The following CUL3 variants were observed in gnomAD, a reference collection of about 807,000 sequenced individuals.
CUL3 encodes the protein cullin 3, also known as cullin-3.
CUL3 carries 19 observed loss-of-function variants against 89.1 expected under a neutral mutation model. That is an observed-to-expected ratio of 0.21 (90% CI 0.15 to 0.31). The LOEUF is 0.31. Among genes scored for constraint, CUL3 ranks in the 10% least tolerant of loss-of-function variants. The pLI, the probability that CUL3 is intolerant of heterozygous loss-of-function variation, is 1.00. For missense variants in CUL3, 469 were observed against 942.3 expected, an observed-to-expected ratio of 0.50 and a Z score of 6.58; for synonymous variants, 351 against 308.4, an observed-to-expected ratio of 1.14 and a Z score of -1.45.
chr2:224,490,226 T>C (rs906771482), intron 13 of CUL3, among the ~76,000 whole-genome samples: 1 of 152,228 alleles, frequency 6.6e-6, no homozygotes, highest in African/African-American at 2.4e-5. Flanking sequence ...CCTGTACACC[T>C]GGCTCTGCCT....
rs766091219 is a variant in CUL3, at chr2:224,557,725, C to T, written c.198G>A (p.Leu66=). The change falls in exon 2 of 16, where the codon TTG becomes TTA. Residue 66 remains leucine, a synonymous_variant. Coordinates refer to ENST00000264414, the MANE Select transcript of CUL3 (RefSeq NM_003590.5). The part of the protein sequence containing the change: ...ELYRNAYTMV[L]HKHGEKLYTG... The stretch of plus-strand genomic sequence containing the variant: ...TGTAGAGCTTTTCTCCATGTTTATG[C>T]AAAACCATTGTATATGCATTTCTAT... The T allele has an allele frequency of 1.2e-6, 2 of 1,610,854 alleles. No individual in the cohort carries two copies. The highest frequency in any genetic ancestry group is 4.5e-5 in the East Asian group (2 of 44,638).
rs887208304 is a variant in CUL3, at chr2:224,481,888, A to G, written c.2029+4T>C. 6 of 1,465,580 alleles carry G rather than the reference A, an allele frequency of 4.1e-6. No homozygotes were observed. The highest frequency in any genetic ancestry group is 2.3e-4 in the Middle Eastern group (1 of 4,322). The allele number at this position is 1,465,580 out of a possible 1,614,324, so 90.8% of individuals were successfully genotyped here. On this transcript the variant is annotated splice_donor_region_variant and intron_variant, in intron 14 of 15. Coordinates refer to ENST00000264414, the MANE Select transcript of CUL3 (RefSeq NM_003590.5). ...TTTGAGAGGAAAAATATAATTCCAG[A>G]TACCTGTTTGAATCTTGACTCTGTG...
At position 224,470,666 on chromosome 2, in the gene CUL3, A is replaced by G. The variant is rs1188936065; in HGVS notation, c.*3579T>C. On this transcript the variant is annotated 3_prime_UTR_variant, in exon 16 of 16. Coordinates refer to ENST00000264414, the MANE Select transcript of CUL3 (RefSeq NM_003590.5). Reference sequence around the variant, plus strand: ...TAAGATTGTAGGAGACAAAGCGCCTATTTTCTTTTCAATGGACACATTCCA... The same window carrying G: ...TAAGATTGTAGGAGACAAAGCGCCTGTTTTCTTTTCAATGGACACATTCCA... 1.3e-5 allele frequency: 3 copies of G among 231,638 alleles called. No individual in the cohort carries two copies. Among genetic ancestry groups the G allele is most frequent in the African/African-American group, 6.6e-5 (3 of 45,258 alleles). The allele number at this position is 231,638 out of a possible 1,614,324, so 14.3% of individuals were successfully genotyped here.
At position 224,470,999 on chromosome 2, in the gene CUL3, AAT is replaced by A. The variant is rs1475684995; in HGVS notation, c.*3244_*3245del. Reference sequence around the variant, plus strand: ...AATGACAGTTATGTCACATAAAGCCAATATGACAACTAAATGAATGAATATAC... The same window carrying A: ...AATGACAGTTATGTCACATAAAGCCAATGACAACTAAATGAATGAATATAC... On this transcript the variant is annotated 3_prime_UTR_variant, in exon 16 of 16. Coordinates refer to ENST00000264414, the MANE Select transcript of CUL3 (RefSeq NM_003590.5). 4 of 228,358 alleles carry A rather than the reference AAT, an allele frequency of 1.8e-5. No individual in the cohort carries two copies. Among genetic ancestry groups the A allele is most frequent in the African/African-American group, 8.9e-5 (4 of 45,118 alleles). 14.1% of individuals were successfully genotyped at this position (228,358 alleles called of 1,614,324 possible). A position where few individuals can be genotyped will look rare whatever the true frequency, so the allele number is the denominator to read the frequency against.
At chr2:224,567,821 C>T (rs888875591) in intron 1 of CUL3, among the ~76,000 whole-genome samples, 10 of 152,044 alleles carry the variant, frequency 6.6e-5, no homozygotes, top group Non-Finnish European at 1.5e-4. Flanking sequence ...ATCTACTTCC[C>T]TCAAAATCAC....
intron 1 of CUL3, among the ~76,000 whole-genome samples, chr2:224,569,029 A>G (rs1695115324): frequency 1.3e-5 from 2 of 152,236 alleles, no homozygotes; most frequent in Admixed American, 1.3e-4. Context: ...TTAACAATAA[A>G]AACTTTAAGC....
chr2:224,502,935 A>C (rs1692448051), intron 10 of CUL3, 30 bp downstream of exon 10: 1 of 1,469,998 alleles, frequency 6.8e-7, no homozygotes. Context: ...TTACATGAAT[A>C]TCTAAGTAGA....
In CUL3 at chr2:224,507,089, G is replaced by A. The variant is rs556950649; in HGVS notation, c.884-86C>T. On this transcript the variant is annotated intron_variant, in intron 6 of 15. Transcript: ENST00000264414. The stretch of plus-strand genomic sequence containing the variant: ...TGTTCACGCTATAATACTGAGAGAA[G>A]CTTATTTCTCCATTACCCCCATTTG... 2.6e-5 allele frequency: 32 copies of A among 1,248,720 alleles called. No individual in the cohort carries two copies. The South Asian group carries it at 4.5e-4, about 17-fold the overall frequency. The allele number at this position is 1,248,720 out of a possible 1,614,324, so 77.4% of individuals were successfully genotyped here.
intron 2 of CUL3, among the ~76,000 whole-genome samples, chr2:224,542,971 G>T (rs1311753829): frequency 2.0e-5 from 3 of 152,068 alleles, no homozygotes; most frequent in Admixed American, 1.3e-4. Flanking sequence ...AGAGCTGAAG[G>T]ACATAATGTG....
rs1204113222 is a variant in CUL3, at chr2:224,584,352, T to A, written c.66+592A>T. 2.0e-5 allele frequency among the ~76,000 whole-genome samples: 3 copies of A among 152,010 alleles called. No homozygotes were observed. The East Asian group carries it at 5.8e-4, about 29-fold the overall frequency. The stretch of plus-strand genomic sequence containing the variant: ...GAGTTTGTAAAGTGCTTAGGAAGCT[T>A]GTAGGATGAAAGACGCTATAAATAC... On this transcript the variant is annotated intron_variant, in intron 1 of 15. Transcript: ENST00000264414.
chr2:224,561,579 T>A (rs1694903073), intron 1 of CUL3, among the ~76,000 whole-genome samples: 1 of 152,198 alleles, frequency 6.6e-6, no homozygotes, highest in African/African-American at 2.4e-5. Flanking sequence ...GAAGGAACTT[T>A]AACAGAACAA....
rs1253066912 is a variant in CUL3, at chr2:224,485,284, G to A, written c.1843-3206C>T. On this transcript the variant is annotated intron_variant, in intron 13 of 15. Transcript: ENST00000264414. The surrounding 1 kb of genome is among the most constrained non-coding windows in gnomAD (Gnocchi z 4.1). ...GCGAGAGAGAACCGTCCACTCCCCT[G>A]GAAAGGGGGCTGAAGCCAGGGAGCC... is the stretch of plus-strand genomic sequence containing the variant. The A allele has an allele frequency of 6.6e-6, 1 of 152,276 alleles. No homozygotes were observed. Among genetic ancestry groups the A allele is most frequent in the Non-Finnish European group, 1.5e-5 (1 of 68,162 alleles). 9.4% of individuals were successfully genotyped at this position (152,276 alleles called of 1,614,324 possible).
At chr2:224,509,389 G>T (rs1413432897) in intron 6 of CUL3, among the ~76,000 whole-genome samples, 2 of 152,096 alleles carry the variant, frequency 1.3e-5, no homozygotes, top group Admixed American at 1.3e-4. Flanking sequence ...GCTAATTTTT[G>T]TATTTTTCAT....
At chr2:224,500,627 CTTTTTTTTT>C (rs11350781) in intron 10 of CUL3, 140 bp from the exon 11 acceptor site, 7 of 396,356 alleles carry the variant, frequency 1.8e-5, no homozygotes, top group Middle Eastern at 8.4e-4. Flanking sequence ...ATTTTCTTTT[CTTTTTTTTT>C]TTTTTTTTGA....
rs1377790709 is a variant in CUL3 at position 224,576,881 on chromosome 2, T to C, written c.66+8063A>G. ...TACATGTGAATCATATATGAACTTCTGTTTTTGAAGCCACCCCTCAAGAGC... is the reference window on the plus strand; with the variant it reads ...TACATGTGAATCATATATGAACTTCCGTTTTTGAAGCCACCCCTCAAGAGC... On this transcript the variant is annotated intron_variant, in intron 1 of 15. Transcript: ENST00000264414. Among the ~76,000 whole-genome samples the C allele has an allele frequency of 3.3e-5, 5 of 152,372 alleles. No homozygotes were observed. In the South Asian group the frequency reaches 6.2e-4, roughly 19 times the overall value.
At chr2:224,581,071 A>C (rs1015564415) in intron 1 of CUL3, among the ~76,000 whole-genome samples, 2 of 152,176 alleles carry the variant, frequency 1.3e-5, no homozygotes, top group African/African-American at 4.8e-5. Context: ...ATGGCAGTAG[A>C]TCTTACTTGT....
intron 1 of CUL3, among the ~76,000 whole-genome samples, chr2:224,584,287 C>T (rs1026828107): frequency 1.3e-5 from 2 of 151,396 alleles, no homozygotes; most frequent in East Asian, 1.9e-4. Context: ...GCTTCCCCCC[C>T]ACCCGGCCTT....
intron 1 of CUL3, among the ~76,000 whole-genome samples, chr2:224,559,452 CA>C (rs34898102): frequency 0.014 from 927 of 67,510 alleles, 4 homozygotes; most frequent in African/African-American, 0.039. Flanking sequence ...GATTGTGTCT[CA>C]AAAAAAAAAA....
At chr2:224,529,810 A>T (rs1693623554) in intron 3 of CUL3, among the ~76,000 whole-genome samples, 2 of 152,170 alleles carry the variant, frequency 1.3e-5, no homozygotes. Flanking sequence ...CTGCCAAACA[A>T]CAAAGTTATG....
Sources: gnomAD v4.1 joint callset for allele counts (sites outside exome capture counted in the v4.1 genomes callset) on GRCh38, gnomAD v4.1.1 for gene constraint, Gnocchi (gnomAD v3.1) non-coding constraint, MANE v1.5 for transcripts, NCBI Gene and HGNC (gene_info 2026-07-23, HGNC 2026-07-21) for gene names.